FAT3: variants seen among roughly 807,000 people sequenced by gnomAD.
FAT3 encodes FAT atypical cadherin 3.
A neutral mutation model predicts 310.2 loss-of-function variants in FAT3; 95 were observed. That is an observed-to-expected ratio of 0.31 (90% CI 0.26 to 0.36). FAT3 has a LOEUF of 0.36. FAT3 is among the 10% of genes least tolerant of loss of function. The pLI is 1.00. For synonymous variants in FAT3, 2,314 were observed against 2,192.9 expected (o/e 1.06, Z -1.54); for missense variants, 5,408 against 5,715.6 (o/e 0.95, Z 1.74).
At chr11:92,441,295 C>A (rs938712983) in intron 2 of FAT3, among the ~76,000 whole-genome samples, 6 of 152,126 alleles carry the variant, frequency 3.9e-5, no homozygotes, top group Non-Finnish European at 8.8e-5. Flanking sequence ...GTTTTGGCAG[C>A]AGGAATTATA....
rs560031555 is a variant in FAT3 at position 92,745,727 on chromosome 11, C to T, written c.3670-16129C>T. Among the ~76,000 whole-genome samples the T allele has an allele frequency of 3.3e-5, 5 of 152,302 alleles. No homozygotes were observed. The East Asian group carries it at 9.6e-4, about 29-fold the overall frequency. On this transcript the variant is annotated intron_variant, in intron 4 of 27. Coordinates refer to ENST00000525166, the MANE Select transcript of FAT3 (RefSeq NM_001367949.2). The stretch of plus-strand genomic sequence containing the variant: ...TCAAGGATCTTTCTGAAAAAGCTGC[C>T]ATTTAGCAGTTGTTGGGTTTAAACA...
chr11:92,760,631 T>C (rs1286004179), intron 4 of FAT3, among the ~76,000 whole-genome samples: 1 of 152,226 alleles, frequency 6.6e-6, no homozygotes, highest in Non-Finnish European at 1.5e-5. Flanking sequence ...TTTGAGCCTC[T>C]GTTTTCTCAA....
intron 1 of FAT3, among the ~76,000 whole-genome samples, chr11:92,269,886 A>T (rs749477080): frequency 6.6e-6 from 1 of 152,100 alleles, no homozygotes; most frequent in South Asian, 2.1e-4. Context: ...TCTATTCTAC[A>T]TCCTCTAGGG....
chr11:92,750,725 C>T (rs1030910160), intron 4 of FAT3, among the ~76,000 whole-genome samples: 2 of 152,032 alleles, frequency 1.3e-5, no homozygotes, highest in Admixed American at 6.6e-5. Flanking sequence ...CGTTAGCATG[C>T]GTGACTCCAT....
chr11:92,236,382 C>T (rs904548309), intron 1 of FAT3, among the ~76,000 whole-genome samples: 4 of 152,086 alleles, frequency 2.6e-5, no homozygotes, highest in Non-Finnish European at 5.9e-5. Context: ...TTTAAATCCC[C>T]CTCTCCTTTT....
rs376261435 is a variant in FAT3 at position 92,890,965 on chromosome 11, C to T, written c.13622C>T (p.Ser4541Phe). 17 of 1,613,860 alleles carry T rather than the reference C, an allele frequency of 1.1e-5. No homozygotes were observed. Among genetic ancestry groups the T allele is most frequent in the Non-Finnish European group, 1.4e-5 (17 of 1,179,878 alleles). Reference sequence around the variant, plus strand: ...AGCGTGTCTCTGTCCTTGCACAATTCCAGAGGCACCTCATCCTCGGATGTG... The same window carrying T: ...AGCGTGTCTCTGTCCTTGCACAATTTCAGAGGCACCTCATCCTCGGATGTG... ...ADSVSLSLHN[S>F]RGTSSSDVSA... Residue 4541 changes from serine (S) to phenylalanine (F), a missense_variant, in exon 28 of 28, where the codon TCC becomes TTC. Ser to Phe is a radical substitution (Grantham distance 155, BLOSUM62 -2). Transcript: ENST00000525166.
chr11:92,649,101 G>A (rs11020034), intron 3 of FAT3, among the ~76,000 whole-genome samples: 1,952 of 152,298 alleles, frequency 0.013, 38 homozygotes, highest in African/African-American at 0.044. Flanking sequence ...GTGTGGAAAA[G>A]TGTCGGGGCA....
intron 20 of FAT3, among the ~76,000 whole-genome samples, chr11:92,858,954 C>A (rs192950536): frequency 2.8e-4 from 42 of 152,228 alleles, no homozygotes; most frequent in Admixed American, 2.3e-3. Flanking sequence ...TGGTGGCTGA[C>A]TGGTTAATAT....
At chr11:92,574,687 G>A (rs1206173219) in intron 3 of FAT3, among the ~76,000 whole-genome samples, 1 of 152,138 alleles carries the variant, frequency 6.6e-6, no homozygotes, top group Non-Finnish European at 1.5e-5. Context: ...ATCATGGTGA[G>A]CTTCTAGTAA....
chr11:92,752,856 C>T (rs980299236), intron 4 of FAT3, among the ~76,000 whole-genome samples: 1 of 151,794 alleles, frequency 6.6e-6, no homozygotes, highest in Non-Finnish European at 1.5e-5. Flanking sequence ...TCCTGGCCAT[C>T]GTATTTTAAG....
chr11:92,829,571 T>C (rs970011406), intron 13 of FAT3, among the ~76,000 whole-genome samples: 9 of 152,118 alleles, frequency 5.9e-5, no homozygotes, highest in African/African-American at 2.2e-4. Context: ...CGTGTGTGTA[T>C]TCACCTCAGG....
At chr11:92,291,981 T>C (rs949054512) in intron 1 of FAT3, among the ~76,000 whole-genome samples, 17 of 152,088 alleles carry the variant, frequency 1.1e-4, no homozygotes, top group South Asian at 4.1e-4. Context: ...ATGGTTTTTT[T>C]AGTGCTTGCA....
intron 2 of FAT3, among the ~76,000 whole-genome samples, chr11:92,487,235 G>A (rs180839597): frequency 6.6e-6 from 1 of 152,222 alleles, no homozygotes; most frequent in East Asian, 1.9e-4. Flanking sequence ...TTCCAAGAGG[G>A]CCATGCAGGT....
Position 92,437,833 on chromosome 11 carries a change from G to A in FAT3, c.3292+82429G>A, listed in dbSNP as rs76909897. On this transcript the variant is annotated intron_variant, in intron 2 of 27. Transcript: ENST00000525166. Reference sequence around the variant, plus strand: ...AGTCTTGAATGCCAGAACATGGAAAGTAGATTTCAATCATTAGTCTGGGGA... The same window carrying A: ...AGTCTTGAATGCCAGAACATGGAAAATAGATTTCAATCATTAGTCTGGGGA... Among the ~76,000 whole-genome samples, 541 of 152,276 alleles carry A rather than the reference G, an allele frequency of 3.6e-3. 1 individual carries two copies. Among genetic ancestry groups the A allele is most frequent in the Non-Finnish European group, 5.9e-3 (402 of 68,024 alleles).
chr11:92,856,742 C>CT (rs886999993), intron 19 of FAT3, among the ~76,000 whole-genome samples: 14 of 149,678 alleles, frequency 9.4e-5, no homozygotes, highest in African/African-American at 2.4e-4. Flanking sequence ...TTAGAAATGT[C>CT]TTTTTTTTTT....
chr11:92,894,924 A>C lies in FAT3; in HGVS notation c.*3811A>C, dbSNP rs2399586. 144,216 of 152,230 alleles carry C rather than the reference A, an allele frequency of 0.95. 68,578 individuals carry two copies. The highest frequency in any genetic ancestry group is 0.98 in the Non-Finnish European group (66,861 of 68,038). 9.4% of individuals were successfully genotyped at this position (152,230 alleles called of 1,614,324 possible). On this transcript the variant is annotated 3_prime_UTR_variant, in exon 28 of 28. Transcript: ENST00000525166. ...ATCTACCATCAGTCCTCTCCTACTT[A>C]CTTCCCACCCCACCCTATCCACTAC... is the stretch of plus-strand genomic sequence containing the variant.
At chr11:92,788,396 A>G (rs911043495) in intron 7 of FAT3, among the ~76,000 whole-genome samples, 2 of 152,182 alleles carry the variant, frequency 1.3e-5, no homozygotes, top group Admixed American at 6.5e-5. Flanking sequence ...CCAACTCACT[A>G]TTTCAAAAGA....
At chr11:92,694,707 G>T (rs371970186) in intron 3 of FAT3, among the ~76,000 whole-genome samples, 1 of 152,162 alleles carries the variant, frequency 6.6e-6, no homozygotes, top group East Asian at 1.9e-4. Flanking sequence ...GGGCAAAGGG[G>T]TCCTGGTCTT....
intron 1 of FAT3, among the ~76,000 whole-genome samples, chr11:92,322,220 A>G (rs1021641564): frequency 3.3e-5 from 5 of 152,230 alleles, no homozygotes; most frequent in African/African-American, 1.2e-4. Flanking sequence ...TTCCCAGTGC[A>G]TATGAAAGTA....
Sources: gnomAD v4.1 joint callset for allele counts (sites outside exome capture counted in the v4.1 genomes callset) on GRCh38, gnomAD v4.1.1 for gene constraint, MANE v1.5 for transcripts, NCBI Gene and HGNC (gene_info 2026-07-23, HGNC 2026-07-21) for gene names.